Variants in MEIG1 observed in about 807,000 individuals in gnomAD.
MEIG1 encodes the protein meiosis/spermiogenesis associated 1, also known as meiosis expressed gene 1 protein homolog.
MEIG1 carries 12 observed loss-of-function variants against 11.3 expected under a neutral mutation model. That is an observed-to-expected ratio of 1.07 (90% CI 0.68 to 1.73). MEIG1 has a LOEUF of 1.73. MEIG1 is among the 40% of genes most tolerant of loss of function. MEIG1 has a pLI of 0.00. For synonymous variants in MEIG1, 41 were observed against 33.2 expected, an observed-to-expected ratio of 1.24 and a Z score of -0.81; for missense variants, 119 against 104.9, an observed-to-expected ratio of 1.13 and a Z score of -0.59.
chr10:14,957,986 GACAACAGACTACAGAGGGGGCA>G (rs1233782877), upstream of MEIG1, among the ~76,000 whole-genome samples: 1 of 152,138 alleles, frequency 6.6e-6, no homozygotes, highest in Non-Finnish European at 1.5e-5. Flanking sequence ...CTGTTGTGTT[GACAACAGACTACAGAGGGGGCA>G]TAGAGAGCTG....
chr10:14,976,760 A>G (rs1036184874), downstream of MEIG1, among the ~76,000 whole-genome samples: 3 of 151,808 alleles, frequency 2.0e-5, no homozygotes, highest in African/African-American at 7.3e-5. Context: ...CTCGTAATTC[A>G]CAGGTCCTGT....
downstream of MEIG1, among the ~76,000 whole-genome samples, chr10:14,977,702 T>C (rs1316035907): frequency 2.0e-5 from 3 of 151,958 alleles, no homozygotes; most frequent in South Asian, 4.1e-4. Context: ...GTAATATCCA[T>C]GGTAAACATT....
At chr10:14,972,997 C>G (rs1354846809), downstream of MEIG1, 1 of 204,038 alleles carries the variant, frequency 4.9e-6, no homozygotes, top group Non-Finnish European at 1.0e-5. Context: ...TCCCAAGTAG[C>G]TAGAATTACA....
downstream of MEIG1, among the ~76,000 whole-genome samples, chr10:14,975,888 T>A (rs1843204854): frequency 6.6e-6 from 1 of 152,110 alleles, no homozygotes. Flanking sequence ...TCCCGTGATA[T>A]TGTTCTTAAT....
intron 1 of MEIG1, among the ~76,000 whole-genome samples, chr10:14,963,581 G>A (rs1843040438): frequency 6.6e-6 from 1 of 152,156 alleles, no homozygotes; most frequent in South Asian, 2.1e-4. Flanking sequence ...CTTCCCACTA[G>A]AATGAATGGC....
intron 1 of MEIG1, among the ~76,000 whole-genome samples, chr10:14,962,868 A>T (rs894460035): frequency 2.0e-5 from 3 of 151,644 alleles, no homozygotes; most frequent in African/African-American, 7.3e-5. Flanking sequence ...AGGTTCAAGC[A>T]GTTCTCTGCC....
At chr10:14,971,253 G>C (rs964261256) in intron 2 of MEIG1, among the ~76,000 whole-genome samples, 1 of 108,926 alleles carries the variant, frequency 9.2e-6, no homozygotes, top group African/African-American at 3.5e-5. Flanking sequence ...AATAAAGAAT[G>C]GTAGAAGAAA....
chr10:14,987,885 G>GT (rs1183350780), exon 3 of MEIG1: 12 of 155,134 alleles, frequency 7.7e-5, no homozygotes, highest in Admixed American at 2.6e-4. Context: ...TGTAGAATAT[G>GT]TAAAAGGACG....
upstream of MEIG1, among the ~76,000 whole-genome samples, chr10:14,958,833 T>C (rs537294561): frequency 8.5e-4 from 130 of 152,054 alleles, 1 homozygote; most frequent in Middle Eastern, 3.4e-3. Flanking sequence ...GAGGCGGAGC[T>C]TGCAGTGAGC....
chr10:14,981,899 G>A (rs771629209), intron 1 of MEIG1, among the ~76,000 whole-genome samples: 1 of 152,176 alleles, frequency 6.6e-6, no homozygotes, highest in Non-Finnish European at 1.5e-5. Flanking sequence ...AAACAGGTCG[G>A]CGTTTCCCCG....
intron 1 of MEIG1, among the ~76,000 whole-genome samples, chr10:14,983,167 G>A (rs1843282378): frequency 1.3e-5 from 2 of 151,728 alleles, no homozygotes; most frequent in African/African-American, 2.4e-5. Context: ...ACACCCACCC[G>A]GTGATATTGA....
downstream of MEIG1, among the ~76,000 whole-genome samples, chr10:14,974,926 T>A (rs1363579402): frequency 6.6e-6 from 1 of 152,100 alleles, no homozygotes; most frequent in African/African-American, 2.4e-5. Context: ...GAATTAATAC[T>A]AATAGTACAC....
At chr10:14,967,317 T>C (rs1046678526) in intron 2 of MEIG1, among the ~76,000 whole-genome samples, 2 of 150,902 alleles carry the variant, frequency 1.3e-5, no homozygotes, top group Non-Finnish European at 2.9e-5. Flanking sequence ...CCTGTGGTTT[T>C]TGGGGCAATT....
At chr10:14,961,496 T>C (rs2131260033) in intron 1 of MEIG1, among the ~76,000 whole-genome samples, 1 of 152,126 alleles carries the variant, frequency 6.6e-6, no homozygotes, top group African/African-American at 2.4e-5. Context: ...TTTGAGATGG[T>C]GTCTTGCTCT....
intron 1 of MEIG1, among the ~76,000 whole-genome samples, chr10:14,961,078 T>A (rs4360596): frequency 6.6e-6 from 1 of 152,022 alleles, no homozygotes; most frequent in Non-Finnish European, 1.5e-5. Flanking sequence ...TCAATTTAAC[T>A]ATGGGATTAT....
intron 1 of MEIG1, among the ~76,000 whole-genome samples, chr10:14,960,712 C>T (rs1272172794): frequency 2.0e-5 from 3 of 151,804 alleles, no homozygotes; most frequent in Non-Finnish European, 2.9e-5. Flanking sequence ...GCCACCGCGC[C>T]GAGATGGTGT....
downstream of MEIG1, among the ~76,000 whole-genome samples, chr10:14,975,802 C>CATGGGATGG (rs1175235373): frequency 1.3e-5 from 2 of 152,044 alleles, no homozygotes; most frequent in African/African-American, 4.8e-5. Context: ...GATGGACACG[C>CATGGGATGG]CCCCAGTGAT....
At position 14,966,589 on chromosome 10, in the gene MEIG1, G is replaced by C; in HGVS notation, c.121G>C (p.Val41Leu). ...TCGGGATGAAACCGAATATAGACAA[G>C]TGAAACAAGTTTCTATGGTAAGATT... is the stretch of plus-strand genomic sequence containing the variant. The part of the protein sequence containing the change: ...GYRDETEYRQ[V>L]KQVSMVDRWP... Residue 41 changes from valine to leucine, a missense_variant, in exon 2 of 3, where the codon GTG (valine) becomes CTG (leucine). Coordinates refer to ENST00000407572, the MANE Select transcript of MEIG1 (RefSeq NM_001080836.3). 6.2e-7 allele frequency: 1 copy of C among 1,609,396 alleles called. No individual in the cohort carries two copies.
chr10:14,978,929 C>T (rs1439353043), intron 1 of MEIG1, among the ~76,000 whole-genome samples: 1 of 151,890 alleles, frequency 6.6e-6, no homozygotes, highest in African/African-American at 2.4e-5. Flanking sequence ...TCATAAATCA[C>T]AGGTGTTCTA....
Sources: allele counts gnomAD v4.1 joint callset (sites outside exome capture counted in the v4.1 genomes callset), GRCh38; gene constraint gnomAD v4.1.1; transcripts MANE v1.5; gene names NCBI Gene and HGNC (gene_info 2026-07-23, HGNC 2026-07-21).